Variants in COL26A1 observed in about 807,000 individuals in gnomAD.
COL26A1 encodes the protein collagen type XXVI alpha 1 chain.
In COL26A1, 41 loss-of-function variants were observed where a neutral mutation model predicts 59.3. The observed-to-expected ratio is 0.69, with a 90% CI of 0.54 to 0.90. The LOEUF is 0.90. COL26A1 is among the 40% of genes least tolerant of loss of function. COL26A1 has a pLI of 0.00. For missense variants in COL26A1, 612 were observed against 602.3 expected, an observed-to-expected ratio of 1.02 and a Z score of -0.17; for synonymous variants, 266 against 256.0, an observed-to-expected ratio of 1.04 and a Z score of -0.37.
chr7:101,437,397 G>C (rs1265989865), intron 2 of COL26A1, among the ~76,000 whole-genome samples: 1 of 150,218 alleles, frequency 6.7e-6, no homozygotes, highest in African/African-American at 2.5e-5. Flanking sequence ...CGAATGGGGG[G>C]CGGAGTTCCG....
chr7:101,467,312 A>ATCAAGACCATCCTG (rs1554416783), intron 3 of COL26A1, among the ~76,000 whole-genome samples: 1 of 135,896 alleles, frequency 7.4e-6, no homozygotes, highest in Non-Finnish European at 1.5e-5. Flanking sequence ...CTGCAGATAG[A>ATCAAGACCATCCTG]GAGGGGCTGC....
intron 3 of COL26A1, among the ~76,000 whole-genome samples, chr7:101,450,551 C>G (rs186541407): frequency 1.3e-5 from 2 of 152,098 alleles, no homozygotes; most frequent in African/African-American, 2.4e-5. Context: ...CAAGGGCTTC[C>G]AAATACCTCC....
At chr7:101,446,373 G>T (rs2130374125) in intron 2 of COL26A1, among the ~76,000 whole-genome samples, 1 of 152,238 alleles carries the variant, frequency 6.6e-6, no homozygotes, top group Admixed American at 6.6e-5. Context: ...TATGGTATTT[G>T]TCTTTCTGTG....
intron 1 of COL26A1, among the ~76,000 whole-genome samples, chr7:101,410,196 A>G (rs1351046486): frequency 6.6e-6 from 1 of 152,150 alleles, no homozygotes; most frequent in African/African-American, 2.4e-5. Context: ...GTGGAGGGTC[A>G]TGGATTGCTG....
chr7:101,447,902 T>G (rs1180664747), intron 3 of COL26A1, 115 bp downstream of exon 3: 8 of 693,904 alleles, frequency 1.2e-5, no homozygotes, highest in Non-Finnish European at 1.8e-5. Flanking sequence ...CTTGAAATCC[T>G]TTCCTTTTCC....
chr7:101,373,520 T>C (rs1562952350), intron 1 of COL26A1, among the ~76,000 whole-genome samples: 1 of 109,746 alleles, frequency 9.1e-6, no homozygotes. Flanking sequence ...AGTGAATGAA[T>C]GAACACATGA....
intron 1 of COL26A1, among the ~76,000 whole-genome samples, chr7:101,415,159 T>C (rs1792343673): frequency 6.7e-6 from 1 of 148,546 alleles, no homozygotes; most frequent in Admixed American, 6.7e-5. Context: ...CCCCCCCCCT[T>C]TTTTTTTTTG....
At chr7:101,501,212 G>GAAAA (rs1794699771) in intron 3 of COL26A1, among the ~76,000 whole-genome samples, 2 of 89,734 alleles carry the variant, frequency 2.2e-5, no homozygotes, top group African/African-American at 8.3e-5. Flanking sequence ...GAAAAGAAAA[G>GAAAA]AAAAGAAAAA....
chr7:101,534,588 T>C (rs1441560798), intron 4 of COL26A1, among the ~76,000 whole-genome samples: 1 of 151,820 alleles, frequency 6.6e-6, no homozygotes, highest in East Asian at 1.9e-4. Context: ...CATGGTCACA[T>C]GCACGGATAC....
At position 101,555,803 on chromosome 7, in the gene COL26A1, A is replaced by C. The variant is rs758450972; in HGVS notation, c.1097A>C (p.Gln366Pro). ...AATAEGEGVQ[Q>P]LREALKILAE... is the part of the protein sequence containing the mutation. The stretch of plus-strand genomic sequence containing the variant: ...CCCCGCCAGGGCGAGGGGGTGCAGC[A>C]GCTGAGAGAGGCCCTGAAGATCCTG... Residue 366 changes from glutamine to proline, a missense_variant, in exon 12 of 13, where the codon CAG (glutamine) becomes CCG (proline). Physicochemically the swap from Gln to Pro is moderately conservative, Grantham distance 76 (BLOSUM62 -1). Coordinates refer to ENST00000313669, the MANE Select transcript of COL26A1 (RefSeq NM_001278563.3). 1.4e-5 allele frequency: 23 copies of C among 1,611,030 alleles called. No individual in the cohort carries two copies. The highest frequency in any genetic ancestry group is 1.9e-5 in the Non-Finnish European group (22 of 1,179,068).
intron 2 of COL26A1, among the ~76,000 whole-genome samples, chr7:101,438,445 A>G (rs1044270583): frequency 1.3e-5 from 2 of 151,590 alleles, no homozygotes; most frequent in African/African-American, 2.4e-5. Context: ...GATGGGGTAT[A>G]TGTGGAAAGA....
chr7:101,370,375 T>C (rs1322285023), intron 1 of COL26A1, among the ~76,000 whole-genome samples: 2 of 152,118 alleles, frequency 1.3e-5, no homozygotes, highest in African/African-American at 4.8e-5. Flanking sequence ...TTGTTTGTTT[T>C]GTTTTTGTTT....
At position 101,489,872 on chromosome 7, in the gene COL26A1, T is replaced by C. The variant is rs1230479374; in HGVS notation, c.385+42085T>C. Among the ~76,000 whole-genome samples the C allele has an allele frequency of 6.9e-4, 47 of 68,190 alleles. 2 individuals carry two copies. Among genetic ancestry groups the C allele is most frequent in the Middle Eastern group, 0.013 (2 of 152 alleles). The allele number at this position is 68,190 out of a possible 152,430, so 44.7% of individuals were successfully genotyped here. ...TTTCTTTCTTTCTTTCTTTCTTTCTTTCTTTCTTTCTTTCTTTCTTTCTTT... is the reference window on the plus strand; with the variant it reads ...TTTCTTTCTTTCTTTCTTTCTTTCTCTCTTTCTTTCTTTCTTTCTTTCTTT... On this transcript the variant is annotated intron_variant, in intron 3 of 12. Transcript: ENST00000313669.
intron 2 of COL26A1, among the ~76,000 whole-genome samples, chr7:101,421,753 A>T (rs904683464): frequency 6.6e-6 from 1 of 152,064 alleles, no homozygotes; most frequent in Non-Finnish European, 1.5e-5. Flanking sequence ...TTGCATAATT[A>T]TCTTTCCCTT....
intron 2 of COL26A1, among the ~76,000 whole-genome samples, chr7:101,437,607 C>T (rs10225895): frequency 0.094 from 14,319 of 151,972 alleles, 1,553 homozygotes; most frequent in African/African-American, 0.27. Flanking sequence ...CAGGGCCTCA[C>T]TCTGTTGCCC....
At chr7:101,452,531 C>T (rs1000136665) in intron 3 of COL26A1, among the ~76,000 whole-genome samples, 3 of 152,098 alleles carry the variant, frequency 2.0e-5, no homozygotes, top group Non-Finnish European at 2.9e-5. Flanking sequence ...AGAAATGCAT[C>T]ATTGGAAGAT....
intron 3 of COL26A1, among the ~76,000 whole-genome samples, chr7:101,508,129 C>T (rs985374599): frequency 3.3e-5 from 5 of 152,188 alleles, no homozygotes. Context: ...TTCCACTGAT[C>T]ACAAGCTGTT....
intron 3 of COL26A1, among the ~76,000 whole-genome samples, chr7:101,526,395 G>A (rs1795249130): frequency 1.3e-5 from 2 of 152,104 alleles, no homozygotes; most frequent in African/African-American, 2.4e-5. Context: ...CCCTGGTTGG[G>A]GTGGCCTGCT....
In COL26A1 at chr7:101,476,926, C is replaced by T. The variant is rs186420970; in HGVS notation, c.385+29139C>T. 1.4e-3 allele frequency among the ~76,000 whole-genome samples: 206 copies of T among 151,754 alleles called. 1 individual carries two copies. The highest frequency in any genetic ancestry group is 4.8e-3 in the African/African-American group (198 of 41,330). On this transcript the variant is annotated intron_variant, in intron 3 of 12. Coordinates refer to ENST00000313669, the MANE Select transcript of COL26A1 (RefSeq NM_001278563.3). The stretch of plus-strand genomic sequence containing the variant: ...TGGCACGATCTCGGCTCACTACAAC[C>T]TCCTCTGCCTGGGTTCAAGTGATTC...
Sources: gnomAD v4.1 joint callset for allele counts (sites outside exome capture counted in the v4.1 genomes callset) on GRCh38, gnomAD v4.1.1 for gene constraint, MANE v1.5 for transcripts, NCBI Gene and HGNC (gene_info 2026-07-23, HGNC 2026-07-21) for gene names.